WDR72: variants seen among roughly 807,000 people sequenced by gnomAD.
WDR72 encodes the protein WD repeat-containing protein 72.
WDR72 carries 120 observed loss-of-function variants against 124.2 expected under a neutral mutation model. The observed-to-expected ratio is 0.97, with a 90% CI of 0.83 to 1.12. The LOEUF (loss-of-function observed/expected upper bound fraction) is 1.12. WDR72 is among the 50% of genes most tolerant of loss of function. The probability of loss-of-function intolerance (pLI) is 0.00; values close to 1 mark genes in which losing one functional copy is unlikely to be tolerated. For synonymous variants in WDR72, 452 were observed against 441.7 expected (o/e 1.02, Z -0.29); for missense variants, 1,387 against 1,278.8 (o/e 1.08, Z -1.29).
rs748785842 is a variant in WDR72 at position 53,517,724 on chromosome 15, TTTGCTATCCATGAATGATGCC to T, written c.3263_3283del (p.Arg1088_Ala1094del). On this transcript the variant is annotated inframe_deletion, in exon 20 of 20. Transcript: ENST00000360509. ...TTAAGACACCTTGCAGGGGCAGACC[TTTGCTATCCATGAATGATGCC>T]TTGGCTCACCTAGGAAAAAAGCAGA... 6.2e-7 allele frequency: 1 copy of T among 1,612,938 alleles called. No homozygotes were observed. Among genetic ancestry groups the T allele is most frequent in the Admixed American group, 1.7e-5 (1 of 59,930 alleles).
intron 14 of WDR72, among the ~76,000 whole-genome samples, chr15:53,658,787 T>C (rs537388294): frequency 1.3e-5 from 2 of 152,334 alleles, no homozygotes; most frequent in Non-Finnish European, 2.9e-5. Context: ...GTACCCTTTA[T>C]CACAAGTCTT....
At chr15:53,631,277 C>T (rs1447481529) in intron 14 of WDR72, among the ~76,000 whole-genome samples, 1 of 152,154 alleles carries the variant, frequency 6.6e-6, no homozygotes, top group Non-Finnish European at 1.5e-5. Flanking sequence ...GTAAAGCAGT[C>T]CTGCTTTCCC....
chr15:53,713,520 G>A (rs752144922), intron 6 of WDR72, among the ~76,000 whole-genome samples: 21 of 150,362 alleles, frequency 1.4e-4, no homozygotes, highest in Non-Finnish European at 2.5e-4. Flanking sequence ...GCAGGATCTC[G>A]GCTCACTGCA....
At chr15:53,669,837 T>C (rs1225928972) in intron 13 of WDR72, among the ~76,000 whole-genome samples, 1 of 152,222 alleles carries the variant, frequency 6.6e-6, no homozygotes, top group Non-Finnish European at 1.5e-5. Flanking sequence ...ATTAAAGAAA[T>C]ATAAGAAACT....
intron 1 of WDR72, among the ~76,000 whole-genome samples, chr15:53,737,288 C>T (rs1433407450): frequency 6.6e-6 from 1 of 152,088 alleles, no homozygotes; most frequent in Non-Finnish European, 1.5e-5. Context: ...CTTGAAGGAC[C>T]TCCCACAGGC....
At chr15:53,652,079 A>G (rs973186672) in intron 14 of WDR72, 2 of 152,244 alleles carry the variant, frequency 1.3e-5, no homozygotes, top group Admixed American at 1.3e-4. Context: ...GTACATGCAC[A>G]TACTGTAGTC....
chr15:53,552,591 T>C (rs764943117), intron 18 of WDR72, among the ~76,000 whole-genome samples: 9 of 152,150 alleles, frequency 5.9e-5, no homozygotes, highest in South Asian at 2.1e-4. Flanking sequence ...GCATTCTCTA[T>C]TGGAGTGGGT....
chr15:53,572,943 A>G (rs375481968), intron 18 of WDR72, among the ~76,000 whole-genome samples: 1 of 152,192 alleles, frequency 6.6e-6, no homozygotes, highest in Non-Finnish European at 1.5e-5. Context: ...CATTAATTGG[A>G]TAACAAAATC....
intron 13 of WDR72, among the ~76,000 whole-genome samples, chr15:53,683,692 A>T (rs1468307832): frequency 6.6e-6 from 1 of 152,128 alleles, no homozygotes; most frequent in Admixed American, 6.5e-5. Flanking sequence ...ATTAATTTAT[A>T]ATTACTTGGG....
rs180969431 is a variant in WDR72 at position 53,532,904 on chromosome 15, A to G, written c.3149-9582T>C. Among the ~76,000 whole-genome samples, 257 of 152,260 alleles carry G rather than the reference A, an allele frequency of 1.7e-3. 1 individual carries two copies. The highest frequency in any genetic ancestry group is 5.8e-3 in the African/African-American group (242 of 41,576). ...CACATGTAACCCAAAAATATGTATA[A>G]GTAGTATGTATTCATAATAATTACA... On this transcript the variant is annotated intron_variant, in intron 18 of 19. Transcript: ENST00000360509.
intron 13 of WDR72, among the ~76,000 whole-genome samples, chr15:53,677,067 C>A (rs904306219): frequency 6.6e-6 from 1 of 151,708 alleles, no homozygotes; most frequent in African/African-American, 2.4e-5. Context: ...ACTACAGGCA[C>A]CCTCCCGCAC....
Position 53,597,288 on chromosome 15 carries a change from T to C in WDR72, c.2953-14A>G, listed in dbSNP as rs199977841. ...TGCTTCAGTTACCTGTAAGGTATTTTTTTAAGTGAATTATTTTTAGTATTA... is the reference window on the plus strand; with the variant it reads ...TGCTTCAGTTACCTGTAAGGTATTTCTTTAAGTGAATTATTTTTAGTATTA... On this transcript the variant is annotated splice_polypyrimidine_tract_variant and intron_variant, in intron 17 of 19. Transcript: ENST00000360509. 19 of 1,612,286 alleles carry C rather than the reference T, an allele frequency of 1.2e-5. No individual in the cohort carries two copies. The highest frequency in any genetic ancestry group is 1.5e-5 in the Non-Finnish European group (18 of 1,179,126).
chr15:53,656,716 AT>A (rs950899020), intron 14 of WDR72, among the ~76,000 whole-genome samples: 3 of 152,066 alleles, frequency 2.0e-5, no homozygotes, highest in Admixed American at 2.0e-4. Context: ...TACAAACATC[AT>A]TTTTTTCCAG....
rs114788244 is a variant in WDR72 at position 53,626,840 on chromosome 15, C to G, written c.1963-10597G>C. On this transcript the variant is annotated intron_variant, in intron 14 of 19. Transcript: ENST00000360509. ...GGATTCTTAGTTGGCCTAGGAAATC[C>G]AGCTAGTCCCATCTCTCACTACTAC... is the stretch of plus-strand genomic sequence containing the variant. Among the ~76,000 whole-genome samples the G allele has an allele frequency of 9.7e-3, 1,470 of 152,292 alleles. 33 individuals carry two copies. The highest frequency in any genetic ancestry group is 0.034 in the African/African-American group (1,418 of 41,552).
In WDR72 at chr15:53,748,580, C is replaced by CA. The variant is rs201619481; in HGVS notation, c.-13+11052dup. Among the ~76,000 whole-genome samples the CA allele has an allele frequency of 7.0e-3, 1,071 of 152,220 alleles. 8 individuals carry two copies. Among genetic ancestry groups the CA allele is most frequent in the Middle Eastern group, 0.01 (3 of 292 alleles). On this transcript the variant is annotated intron_variant, in intron 1 of 19. Coordinates refer to ENST00000360509, the MANE Select transcript of WDR72 (RefSeq NM_182758.4). ...TAGTCAAATCCTTTCCTCTACCTTT[C>CA]AAAACTCCACCCTAACTGAGGTAGT...
chr15:53,655,542 GGTT>G (rs2015390943), intron 14 of WDR72, among the ~76,000 whole-genome samples: 1 of 152,154 alleles, frequency 6.6e-6, no homozygotes, highest in Non-Finnish European at 1.5e-5. Context: ...GTCATGCTAT[GGTT>G]GTTGTAAAAC....
rs1160519234 is a variant in WDR72 at position 53,648,840 on chromosome 15, TAGCAACTGATTGACAAGATCA to T, written c.1962+16711_1962+16731del. Among the ~76,000 whole-genome samples, 5 of 147,036 alleles carry T rather than the reference TAGCAACTGATTGACAAGATCA, an allele frequency of 3.4e-5. 1 individual carries two copies. In the East Asian group the frequency reaches 9.7e-4, roughly 28 times the overall value. ...ATACCACAATAACTTCTCACATGTC[TAGCAACTGATTGACAAGATCA>T]AGCTTGTAGACTACCTTAAAAAAGT... On this transcript the variant is annotated intron_variant, in intron 14 of 19. Coordinates refer to ENST00000360509, the MANE Select transcript of WDR72 (RefSeq NM_182758.4).
At position 53,706,081 on chromosome 15, in the gene WDR72, A is replaced by G. The variant is rs780987005; in HGVS notation, c.955-7T>C. 10 of 1,613,700 alleles carry G rather than the reference A, an allele frequency of 6.2e-6. No individual in the cohort carries two copies. The African/African-American group carries it at 6.7e-5, about 11-fold the overall frequency. Reference sequence around the variant, plus strand: ...CAAAGGGACGGCTCTGTTCCTAAACAAAAAGTGAGCTTTTATGTAGGAAAT... The same window carrying G: ...CAAAGGGACGGCTCTGTTCCTAAACGAAAAGTGAGCTTTTATGTAGGAAAT... On this transcript the variant is annotated splice_region_variant and splice_polypyrimidine_tract_variant and intron_variant, in intron 9 of 19. Transcript: ENST00000360509.
Position 53,559,687 on chromosome 15 carries a change from T to C in WDR72, c.3149-36365A>G, listed in dbSNP as rs76441547. The stretch of plus-strand genomic sequence containing the variant: ...TTCCGACAGCCACAGTAGGCGGCCA[T>C]AAAGTTGGTGTTTAAAACTATGGCT... On this transcript the variant is annotated intron_variant, in intron 18 of 19. Coordinates refer to ENST00000360509, the MANE Select transcript of WDR72 (RefSeq NM_182758.4). Among the ~76,000 whole-genome samples the C allele has an allele frequency of 6.9e-3, 1,052 of 152,080 alleles. 16 individuals are homozygous for C. The highest frequency in any genetic ancestry group is 0.069 in the East Asian group (352 of 5,136).
Sources: gnomAD v4.1 joint callset for allele counts (sites outside exome capture counted in the v4.1 genomes callset) on GRCh38, gnomAD v4.1.1 for gene constraint, MANE v1.5 for transcripts, NCBI Gene and HGNC (gene_info 2026-07-23, HGNC 2026-07-21) for gene names.